The following GRM7 variants were observed in gnomAD, a reference collection of about 807,000 sequenced individuals.
GRM7 encodes glutamate metabotropic receptor 7.
In GRM7, 35 loss-of-function variants were observed where a neutral mutation model predicts 84.5. The ratio of observed to expected loss-of-function variants is 0.41; its 90% CI spans 0.32 to 0.55. GRM7 has a LOEUF of 0.55. Ranked by LOEUF, GRM7 falls within the 20% of genes least tolerant of loss-of-function variation. The pLI, the probability that GRM7 is intolerant of heterozygous loss-of-function variation, is 0.19. For synonymous variants in GRM7, 487 were observed against 455.1 expected (o/e 1.07, Z -0.89); for missense variants, 1,003 against 1,194.6 (o/e 0.84, Z 2.36).
intron 1 of GRM7, among the ~76,000 whole-genome samples, chr3:7,123,126 C>A (rs536443935): frequency 2.0e-5 from 3 of 152,360 alleles, no homozygotes; most frequent in Non-Finnish European, 2.9e-5. Context: ...TATCCATCTT[C>A]TGCTCCTTTC....
At chr3:7,135,865 C>G in intron 1 of GRM7, among the ~76,000 whole-genome samples, 1 of 151,878 alleles carries the variant, frequency 6.6e-6, no homozygotes, top group East Asian at 1.9e-4. Flanking sequence ...TTTATGAGAA[C>G]TAAGCTTGCA....
chr3:6,890,145 G>A (rs1695874398), intron 1 of GRM7, among the ~76,000 whole-genome samples: 1 of 151,944 alleles, frequency 6.6e-6, no homozygotes, highest in Non-Finnish European at 1.5e-5. Flanking sequence ...AGTCTTGGTA[G>A]CGGTCTATCA....
Position 7,547,253 on chromosome 3 carries a change from C to T in GRM7, c.1516-31169C>T, listed in dbSNP as rs527518543. On this transcript the variant is annotated intron_variant, in intron 7 of 9. Coordinates refer to ENST00000357716, the MANE Select transcript of GRM7 (RefSeq NM_000844.4). Reference sequence around the variant, plus strand: ...ACGGAGTCTCACTCTGTCGCCCAGGCTGGAGTGCAGTGGCGTAATCTCGCC... The same window carrying T: ...ACGGAGTCTCACTCTGTCGCCCAGGTTGGAGTGCAGTGGCGTAATCTCGCC... Among the ~76,000 whole-genome samples, 58 of 126,802 alleles carry T rather than the reference C, an allele frequency of 4.6e-4. No homozygotes were observed. The South Asian group carries it at 0.015, about 33-fold the overall frequency. The allele number at this position is 126,802 out of a possible 152,430, so 83.2% of individuals were successfully genotyped here.
chr3:6,871,668 T>TA (rs544515479), intron 1 of GRM7, among the ~76,000 whole-genome samples: 3 of 152,082 alleles, frequency 2.0e-5, no homozygotes, highest in Non-Finnish European at 4.4e-5. Flanking sequence ...AGCATGTACT[T>TA]ACAATAAAAA....
intron 4 of GRM7, among the ~76,000 whole-genome samples, chr3:7,412,041 TCTCTCTCC>T (rs1225131046): frequency 6.6e-6 from 1 of 151,304 alleles, no homozygotes; most frequent in Non-Finnish European, 1.5e-5. Context: ...CTCCTCTCTC[TCTCTCTCC>T]CTCTCTCCCT....
intron 2 of GRM7, among the ~76,000 whole-genome samples, chr3:7,229,642 C>G (rs1326062297): frequency 6.8e-6 from 1 of 147,132 alleles, no homozygotes; most frequent in Non-Finnish European, 1.5e-5. Flanking sequence ...GGGAAATACT[C>G]TCTGGAGAAG....
chr3:7,064,738 T>C (rs1343500423), intron 1 of GRM7, among the ~76,000 whole-genome samples: 1 of 151,572 alleles, frequency 6.6e-6, no homozygotes, highest in Non-Finnish European at 1.5e-5. Flanking sequence ...GATCAAATGG[T>C]AATTATACTT....
At chr3:7,605,335 G>T (rs1193552021) in intron 8 of GRM7, among the ~76,000 whole-genome samples, 1 of 152,106 alleles carries the variant, frequency 6.6e-6, no homozygotes, top group East Asian at 1.9e-4. Flanking sequence ...GAATAATCCA[G>T]TTGACAAGGA....
intron 1 of GRM7, among the ~76,000 whole-genome samples, chr3:7,113,112 A>G (rs1189958634): frequency 6.6e-6 from 1 of 152,196 alleles, no homozygotes; most frequent in Non-Finnish European, 1.5e-5. Flanking sequence ...TAATACCATT[A>G]CTGCTTTTTT....
intron 5 of GRM7, among the ~76,000 whole-genome samples, chr3:7,450,666 T>G (rs940820919): frequency 2.6e-5 from 4 of 152,066 alleles, no homozygotes; most frequent in African/African-American, 9.7e-5. Context: ...AACTCTGTAG[T>G]CCTGAATTTG....
rs1279640373 is a variant in GRM7, at chr3:7,099,715, TGC to T, written c.520-46736_520-46735del. On this transcript the variant is annotated intron_variant, in intron 1 of 9. Coordinates refer to ENST00000357716, the MANE Select transcript of GRM7 (RefSeq NM_000844.4). ...TGTATATGTACACGCATTATACATG[TGC>T]ACATACATGTATATGTACACGCATT... Among the ~76,000 whole-genome samples the T allele has an allele frequency of 3.3e-3, 269 of 82,214 alleles. 27 individuals are homozygous for T. The highest frequency in any genetic ancestry group is 7.1e-3 in the African/African-American group (49 of 6,882). 53.9% of individuals were successfully genotyped at this position (82,214 alleles called of 152,430 possible).
chr3:7,011,713 G>A (rs1424840583), intron 1 of GRM7, among the ~76,000 whole-genome samples: 1 of 152,106 alleles, frequency 6.6e-6, no homozygotes, highest in Non-Finnish European at 1.5e-5. Context: ...GCAAACCTGG[G>A]AACAGAAAGA....
At chr3:6,888,230 G>C (rs1017080930) in intron 1 of GRM7, among the ~76,000 whole-genome samples, 1 of 152,010 alleles carries the variant, frequency 6.6e-6, no homozygotes, top group Admixed American at 6.6e-5. Flanking sequence ...AAGCTCTTTA[G>C]TTTAATTAGA....
chr3:7,488,152 C>G (rs552465840), intron 7 of GRM7, among the ~76,000 whole-genome samples: 1 of 152,118 alleles, frequency 6.6e-6, no homozygotes, highest in East Asian at 1.9e-4. Context: ...TACCCTATGC[C>G]TGTTTCATGA....
intron 2 of GRM7, among the ~76,000 whole-genome samples, chr3:7,290,812 C>T (rs553872699): frequency 6.6e-6 from 1 of 152,210 alleles, no homozygotes; most frequent in Non-Finnish European, 1.5e-5. Flanking sequence ...TGCTTCCTAC[C>T]TTCTTTCTTT....
chr3:6,966,057 G>A (rs1380933134), intron 1 of GRM7, among the ~76,000 whole-genome samples: 1 of 152,190 alleles, frequency 6.6e-6, no homozygotes, highest in Non-Finnish European at 1.5e-5. Context: ...TGTTTCAGAA[G>A]GAATGCACAT....
intron 8 of GRM7, among the ~76,000 whole-genome samples, chr3:7,653,018 G>A (rs988629023): frequency 1.3e-5 from 2 of 151,686 alleles, no homozygotes; most frequent in South Asian, 2.1e-4. Context: ...CCAGCTCCCC[G>A]CCTGGCTAAC....
At chr3:6,934,385 G>A (rs6790772) in intron 1 of GRM7, among the ~76,000 whole-genome samples, 5,080 of 152,018 alleles carry the variant, frequency 0.033, 278 homozygotes, top group African/African-American at 0.12. Flanking sequence ...AAGGTACCAT[G>A]AAAACTGCCC....
intron 1 of GRM7, among the ~76,000 whole-genome samples, chr3:6,890,970 C>T (rs1266238549): frequency 6.6e-6 from 1 of 151,996 alleles, no homozygotes; most frequent in Non-Finnish European, 1.5e-5. Context: ...TGAATTGATC[C>T]CTTTACCATT....
Sources: allele counts gnomAD v4.1 joint callset (sites outside exome capture counted in the v4.1 genomes callset), GRCh38; gene constraint gnomAD v4.1.1; transcripts MANE v1.5; gene names NCBI Gene and HGNC (gene_info 2026-07-23, HGNC 2026-07-21).